SORCS2: variants seen among roughly 807,000 people sequenced by gnomAD.
SORCS2 encodes the protein VPS10 domain-containing receptor SorCS2.
A neutral mutation model predicts 141.6 loss-of-function variants in SORCS2; 100 were observed. The ratio of observed to expected loss-of-function variants is 0.71; its 90% CI spans 0.60 to 0.83. The LOEUF (loss-of-function observed/expected upper bound fraction) is 0.83, where lower values mean the gene tolerates loss of function less well. SORCS2 is among the 40% of genes least tolerant of loss of function. The pLI, the probability that SORCS2 is intolerant of heterozygous loss-of-function variation, is 0.00. For synonymous variants in SORCS2, 789 were observed against 676.9 expected (o/e 1.17, Z -2.57); for missense variants, 1,646 against 1,560.2 (o/e 1.05, Z -0.93).
At chr4:7,244,053 C>G (rs779773858) in intron 1 of SORCS2, among the ~76,000 whole-genome samples, 2 of 152,184 alleles carry the variant, frequency 1.3e-5, no homozygotes, top group Non-Finnish European at 2.9e-5. Context: ...TCTCTTTGCC[C>G]CTATTTGTCG....
chr4:7,221,916 A>T (rs2108761972), intron 1 of SORCS2, among the ~76,000 whole-genome samples: 1 of 152,312 alleles, frequency 6.6e-6, no homozygotes, highest in Admixed American at 6.5e-5. Context: ...CCTTACCTTC[A>T]CGGAGCTTAT....
chr4:7,305,532 G>C (rs1717757299), intron 1 of SORCS2, among the ~76,000 whole-genome samples: 2 of 152,204 alleles, frequency 1.3e-5, no homozygotes, highest in South Asian at 4.1e-4. Flanking sequence ...ATAGCAGGTG[G>C]TGGACTAGGT....
In SORCS2 at chr4:7,729,700, C is replaced by T; in HGVS notation, c.3096C>T (p.Leu1032=). 1 of 1,611,164 alleles carries T rather than the reference C, an allele frequency of 6.2e-7. No homozygotes were observed. Among genetic ancestry groups the T allele is most frequent in the Non-Finnish European group, 8.5e-7 (1 of 1,178,862 alleles). The change falls in exon 23 of 27, where the codon CTC becomes CTT. Residue 1032 remains leucine (L), a synonymous_variant. Transcript: ENST00000507866. ...CCAGGCCCACAAGGAAGAGGAGCCT[C>T]TCGAGTGATAAGGTATGTCCTGTGG... is the stretch of plus-strand genomic sequence containing the variant. The part of the protein sequence containing the change: ...PPPRPTRKRS[L]SSDKRLAAIQ...
At chr4:7,410,676 T>C (rs1438261902) in intron 2 of SORCS2, among the ~76,000 whole-genome samples, 1 of 152,192 alleles carries the variant, frequency 6.6e-6, no homozygotes, top group African/African-American at 2.4e-5. Flanking sequence ...GTGTTTGCTT[T>C]AACATCACCA....
chr4:7,556,759 A>T (rs1577743621), intron 3 of SORCS2, among the ~76,000 whole-genome samples: 1 of 144,910 alleles, frequency 6.9e-6, no homozygotes, highest in Admixed American at 6.9e-5. Flanking sequence ...TCTACCTACC[A>T]CCCATTCACC....
At chr4:7,281,150 G>A (rs1376365010) in intron 1 of SORCS2, among the ~76,000 whole-genome samples, 1 of 152,186 alleles carries the variant, frequency 6.6e-6, no homozygotes, top group African/African-American at 2.4e-5. Context: ...GAGGCCTTCA[G>A]TGTTATTCAT....
At chr4:7,387,014 C>G (rs375341694) in intron 1 of SORCS2, among the ~76,000 whole-genome samples, 45 of 8,484 alleles carry the variant, frequency 5.3e-3, no homozygotes, top group East Asian at 0.041. Context: ...CACACATGCA[C>G]ACACAGATAC....
At chr4:7,368,133 G>A (rs545009471) in intron 1 of SORCS2, among the ~76,000 whole-genome samples, 4 of 152,316 alleles carry the variant, frequency 2.6e-5, no homozygotes, top group African/African-American at 9.6e-5. Flanking sequence ...GTGGTGCTGG[G>A]TTGATGAATG....
chr4:7,303,625 G>T (rs1233266414), intron 1 of SORCS2, among the ~76,000 whole-genome samples: 1 of 152,194 alleles, frequency 6.6e-6, no homozygotes, highest in Non-Finnish European at 1.5e-5. Flanking sequence ...AACCATTCTG[G>T]GAGCTGAGGT....
intron 2 of SORCS2, among the ~76,000 whole-genome samples, chr4:7,417,369 T>C (rs144283934): frequency 1.3e-5 from 2 of 152,224 alleles, no homozygotes; most frequent in African/African-American, 4.8e-5. Context: ...CAGGATTGCA[T>C]ATGGGCCACT....
intron 10 of SORCS2, among the ~76,000 whole-genome samples, chr4:7,686,885 G>A (rs965648951): frequency 2.6e-5 from 4 of 152,216 alleles, no homozygotes; most frequent in East Asian, 1.9e-4. Context: ...TCATAGAGCC[G>A]CCTGTGTTCA....
At position 7,235,040 on chromosome 4, in the gene SORCS2, G is replaced by A. The variant is rs202082151; in HGVS notation, c.480+41914G>A. ...TGGGCACAGGGTGGAAACTGAGGCT[G>A]AGCATCTGGAGCTGGGCTCTGCGTT... is the stretch of plus-strand genomic sequence containing the variant. On this transcript the variant is annotated intron_variant, in intron 1 of 26. Transcript: ENST00000507866. 1.2e-4 allele frequency among the ~76,000 whole-genome samples: 19 copies of A among 152,344 alleles called. No individual in the cohort carries two copies. In the East Asian group the frequency reaches 3.5e-3, roughly 28 times the overall value.
chr4:7,272,392 A>G (rs753021651), intron 1 of SORCS2, among the ~76,000 whole-genome samples: 2 of 152,204 alleles, frequency 1.3e-5, no homozygotes, highest in Non-Finnish European at 2.9e-5. Flanking sequence ...CCACACTCTG[A>G]TTTTAGAGAT....
At chr4:7,396,076 A>C (rs890639543) in intron 1 of SORCS2, among the ~76,000 whole-genome samples, 2 of 152,200 alleles carry the variant, frequency 1.3e-5, no homozygotes, top group African/African-American at 4.8e-5. Context: ...TCTGCAGAGC[A>C]CAAGCAAGTC....
Position 7,740,567 on chromosome 4 carries a change from G to A in SORCS2, c.*303G>A. The stretch of plus-strand genomic sequence containing the variant: ...CCCCACGTGCTGTCGCTCAGCCCGA[G>A]GCCTGACTTCTCTGGGCTGAGGCTG... On this transcript the variant is annotated 3_prime_UTR_variant, in exon 27 of 27. Coordinates refer to ENST00000507866, the MANE Select transcript of SORCS2 (RefSeq NM_020777.3). 1 of 456,742 alleles carries A rather than the reference G, an allele frequency of 2.2e-6. No homozygotes were observed. Among genetic ancestry groups the A allele is most frequent in the Non-Finnish European group, 4.0e-6 (1 of 247,056 alleles). 28.3% of individuals were successfully genotyped at this position (456,742 alleles called of 1,614,324 possible). A position where few individuals can be genotyped will look rare whatever the true frequency, so the allele number is the denominator to read the frequency against.
At chr4:7,396,407 C>T in intron 2 of SORCS2, 52 bp downstream of exon 2, 1 of 1,586,010 alleles carries the variant, frequency 6.3e-7, no homozygotes, top group Non-Finnish European at 8.6e-7. Context: ...GTGCCATCTT[C>T]CCAGGCTCTC....
intron 2 of SORCS2, among the ~76,000 whole-genome samples, chr4:7,425,645 C>T (rs1031307685): frequency 5.9e-5 from 9 of 152,222 alleles, no homozygotes; most frequent in African/African-American, 1.9e-4. Flanking sequence ...AAATCACACT[C>T]ATTTTACAGC....
chr4:7,392,387 T>C (rs1723923178), intron 1 of SORCS2, among the ~76,000 whole-genome samples: 1 of 152,170 alleles, frequency 6.6e-6, no homozygotes, highest in South Asian at 2.1e-4. Flanking sequence ...GGACTGGGCC[T>C]GAAGGACAGG....
chr4:7,457,826 C>A (rs1160673774), intron 2 of SORCS2, among the ~76,000 whole-genome samples: 1 of 152,234 alleles, frequency 6.6e-6, no homozygotes, highest in Non-Finnish European at 1.5e-5. Flanking sequence ...GAAAGGGAAA[C>A]TGGAAGGCCC....
Sources: allele counts gnomAD v4.1 joint callset (sites outside exome capture counted in the v4.1 genomes callset), GRCh38; gene constraint gnomAD v4.1.1; transcripts MANE v1.5; gene names NCBI Gene and HGNC (gene_info 2026-07-23, HGNC 2026-07-21).